Variants in NREP observed in about 807,000 individuals in gnomAD.
NREP encodes neuronal regeneration related protein.
A neutral mutation model predicts 8.6 loss-of-function variants in NREP; 5 were observed. The observed-to-expected ratio is 0.58, with a 90% confidence interval of 0.30 to 1.22. The LOEUF (loss-of-function observed/expected upper bound fraction) is 1.22. Ranked by LOEUF, NREP falls within the 50% of genes most tolerant of loss-of-function variation. The probability of loss-of-function intolerance (pLI) is 0.07; values close to 1 mark genes in which losing one functional copy is unlikely to be tolerated. For synonymous variants in NREP, 27 were observed against 28.0 expected (o/e 0.96, Z 0.11); for missense variants, 86 against 82.5 (o/e 1.04, Z -0.17).
chr5:111,960,004 G>A (rs1345840118), intron 2 of NREP, among the ~76,000 whole-genome samples: 1 of 152,066 alleles, frequency 6.6e-6, no homozygotes, highest in Non-Finnish European at 1.5e-5. Flanking sequence ...GCCAGTTTAA[G>A]ACATGCTTAT....
chr5:111,916,435 C>T (rs543811156), intron 2 of NREP, among the ~76,000 whole-genome samples: 1 of 152,206 alleles, frequency 6.6e-6, no homozygotes, highest in African/African-American at 2.4e-5. Context: ...TTAGAAAAGT[C>T]TATGTGGCAG....
At chr5:111,745,542 C>A (rs1749948239) in intron 2 of NREP, among the ~76,000 whole-genome samples, 1 of 152,172 alleles carries the variant, frequency 6.6e-6, no homozygotes, top group South Asian at 2.1e-4. Context: ...AATGAACTCT[C>A]AAACAGTTCC....
intron 2 of NREP, among the ~76,000 whole-genome samples, chr5:111,743,545 TAAGA>T (rs1474039161): frequency 6.6e-6 from 1 of 152,174 alleles, no homozygotes; most frequent in African/African-American, 2.4e-5. Flanking sequence ...CTCCGACTTT[TAAGA>T]TATATTAAGA....
chr5:111,885,994 C>A (rs1561710640), intron 2 of NREP, among the ~76,000 whole-genome samples: 1 of 152,194 alleles, frequency 6.6e-6, no homozygotes, highest in Admixed American at 6.5e-5. Flanking sequence ...AACTAAAGAG[C>A]TTCTGCACAG....
chr5:111,754,122 G>A (rs886851741), intron 2 of NREP, among the ~76,000 whole-genome samples: 1 of 152,070 alleles, frequency 6.6e-6, no homozygotes, highest in Non-Finnish European at 1.5e-5. Context: ...ATCCTTCCAG[G>A]AGCAACAAAT....
rs1209001907 is a variant in NREP at position 111,894,262 on chromosome 5, C to A, written c.135+81012G>T. ...AATAATTAATAATAAATTTTTCCAA[C>A]AAAAATTTGATTTATCTTAGTTCAA... is the stretch of plus-strand genomic sequence containing the variant. On this transcript the variant is annotated intron_variant, in intron 2 of 3. Transcript: ENST00000395634. 4.6e-5 allele frequency among the ~76,000 whole-genome samples: 7 copies of A among 151,942 alleles called. No individual in the cohort carries two copies. In the East Asian group the frequency reaches 1.4e-3, roughly 29 times the overall value.
chr5:111,748,568 G>C (rs1050928758), intron 2 of NREP, among the ~76,000 whole-genome samples: 1 of 152,192 alleles, frequency 6.6e-6, no homozygotes, highest in Non-Finnish European at 1.5e-5. Context: ...CATGGTGTGG[G>C]ATCTATTCCA....
intron 2 of NREP, among the ~76,000 whole-genome samples, chr5:111,808,019 C>A (rs1752179769): frequency 6.6e-6 from 1 of 152,168 alleles, no homozygotes; most frequent in Non-Finnish European, 1.5e-5. Flanking sequence ...ACAGAAATGA[C>A]TTTTTCTCCT....
intron 2 of NREP, among the ~76,000 whole-genome samples, chr5:111,901,896 A>G (rs1754655695): frequency 6.6e-6 from 1 of 152,172 alleles, no homozygotes; most frequent in Non-Finnish European, 1.5e-5. Flanking sequence ...TACAGATTCA[A>G]TGCAATTCCC....
chr5:111,739,603 C>T (rs533741712), intron 2 of NREP: 1 of 152,330 alleles, frequency 6.6e-6, no homozygotes, highest in South Asian at 2.1e-4. Flanking sequence ...CTTCTTGGTG[C>T]TCATCAACTG....
At chr5:111,928,772 C>T (rs900236540) in intron 2 of NREP, among the ~76,000 whole-genome samples, 2 of 152,148 alleles carry the variant, frequency 1.3e-5, no homozygotes, top group African/African-American at 2.4e-5. Flanking sequence ...GAAGAGAGAG[C>T]CCATAGACCA....
At chr5:111,917,453 A>C (rs758600551) in intron 2 of NREP, among the ~76,000 whole-genome samples, 3 of 152,166 alleles carry the variant, frequency 2.0e-5, no homozygotes, top group Non-Finnish European at 4.4e-5. Flanking sequence ...CAATGCAAAA[A>C]TCCTCAATAA....
At chr5:111,912,734 G>A (rs1434342968) in intron 2 of NREP, 1 of 152,088 alleles carries the variant, frequency 6.6e-6, no homozygotes, top group African/African-American at 2.4e-5. Context: ...AGTCAATACA[G>A]GATTATGTAT....
At chr5:111,937,967 T>C (rs1336510404) in intron 2 of NREP, among the ~76,000 whole-genome samples, 2 of 152,034 alleles carry the variant, frequency 1.3e-5, no homozygotes, top group Non-Finnish European at 2.9e-5. Flanking sequence ...TGTGCTGACG[T>C]TTGCACCCAT....
At chr5:111,735,695 A>C (rs565766771) in intron 2 of NREP, among the ~76,000 whole-genome samples, 188 bp from the exon 3 acceptor site, 3 of 152,352 alleles carry the variant, frequency 2.0e-5, no homozygotes. Flanking sequence ...TGCACTCAGG[A>C]GAGTTTCAGC....
intron 2 of NREP, among the ~76,000 whole-genome samples, chr5:111,925,259 G>C (rs1049957892): frequency 1.7e-5 from 2 of 121,188 alleles, no homozygotes; most frequent in Admixed American, 1.6e-4. Context: ...ACCAGTTCTG[G>C]ACGGAGATGT....
At chr5:111,783,707 CAT>C (rs1751546810) in intron 2 of NREP, among the ~76,000 whole-genome samples, 4 of 152,174 alleles carry the variant, frequency 2.6e-5, no homozygotes, top group Admixed American at 2.6e-4. Context: ...CTAACGTAAT[CAT>C]GTGGTTTTTC....
At chr5:111,948,145 C>T (rs1027677247) in intron 2 of NREP, among the ~76,000 whole-genome samples, 2 of 152,002 alleles carry the variant, frequency 1.3e-5, no homozygotes, top group Non-Finnish European at 2.9e-5. Context: ...CCTGATAAAT[C>T]CAGACATATT....
chr5:111,910,985 C>T (rs1012924169), intron 2 of NREP, among the ~76,000 whole-genome samples: 4 of 152,034 alleles, frequency 2.6e-5, no homozygotes, highest in Non-Finnish European at 4.4e-5. Flanking sequence ...AGAAGAGCAC[C>T]TCCAGGATAC....
Sources: allele counts gnomAD v4.1 joint callset (sites outside exome capture counted in the v4.1 genomes callset), GRCh38; gene constraint gnomAD v4.1.1; transcripts MANE v1.5; gene names NCBI Gene and HGNC (gene_info 2026-07-23, HGNC 2026-07-21).